Variants in LRP1B observed in about 807,000 individuals in gnomAD.
LRP1B encodes the protein low-density lipoprotein receptor-related protein 1B.
In LRP1B, 217 loss-of-function variants were observed where a neutral mutation model predicts 556.6. The ratio of observed to expected loss-of-function variants is 0.39; its 90% CI spans 0.35 to 0.44. The LOEUF is 0.44. LRP1B is among the 20% of genes least tolerant of loss of function. The pLI is 1.00. For missense variants in LRP1B, 5,053 were observed against 5,620.8 expected (o/e 0.90, Z 3.23); for synonymous variants, 2,047 against 1,865.8 (o/e 1.10, Z -2.50).
intron 7 of LRP1B, among the ~76,000 whole-genome samples, chr2:141,179,492 T>A (rs1237172281): frequency 1.3e-5 from 2 of 152,064 alleles, no homozygotes; most frequent in Non-Finnish European, 2.9e-5. Flanking sequence ...AGTTTTGTTT[T>A]TACCAAAAGG....
chr2:141,119,442 A>G (rs1470572885), intron 7 of LRP1B, among the ~76,000 whole-genome samples: 2 of 151,858 alleles, frequency 1.3e-5, no homozygotes, highest in Admixed American at 6.6e-5. Context: ...GGCAGCAAGC[A>G]TATTTGTCTC....
chr2:141,150,869 T>TGTGTGTGTGTGTGTG (rs1553467366), intron 7 of LRP1B, among the ~76,000 whole-genome samples: 1 of 138,626 alleles, frequency 7.2e-6, no homozygotes, highest in Non-Finnish European at 1.5e-5. Flanking sequence ...TCATGCTGGT[T>TGTGTGTGTGTGTGTG]TGTGTGTGTG....
At chr2:141,331,541 T>TTTATTTCTTTCTTTCTTTCTTTC (rs1553497576) in intron 3 of LRP1B, among the ~76,000 whole-genome samples, 1 of 144,648 alleles carries the variant, frequency 6.9e-6, no homozygotes, top group African/African-American at 2.7e-5. Flanking sequence ...TCTTTCTTTC[T>TTTATTTCTTTCTTTCTTTCTTTC]TTCTTTCTTT....
At chr2:142,109,869 A>G (rs1276766976) in intron 1 of LRP1B, among the ~76,000 whole-genome samples, 1 of 152,192 alleles carries the variant, frequency 6.6e-6, no homozygotes, top group Non-Finnish European at 1.5e-5. Context: ...AAAATAATAC[A>G]TGCATTAAGC....
chr2:140,651,683 G>A (rs1684693753), intron 41 of LRP1B, among the ~76,000 whole-genome samples: 1 of 151,944 alleles, frequency 6.6e-6, no homozygotes, highest in Non-Finnish European at 1.5e-5. Flanking sequence ...CAGATTTTAG[G>A]AGAAAATACC....
At chr2:140,541,249 CCTAAGG>C (rs1438146772) in intron 44 of LRP1B, 151 bp from the exon 45 acceptor site, 1 of 643,688 alleles carries the variant, frequency 1.6e-6, no homozygotes, top group African/African-American at 1.8e-5. Flanking sequence ...TCTAAGCATT[CCTAAGG>C]CTAAGTACAT....
In LRP1B at chr2:141,493,144, A is replaced by T. The variant is rs536965364; in HGVS notation, c.206-12611T>A. Reference sequence around the variant, plus strand: ...GAGAGGAGGAAATGGAAGATTGCAGAGGTTGAATACTTTCTTCAAGGTCAC... The same window carrying T: ...GAGAGGAGGAAATGGAAGATTGCAGTGGTTGAATACTTTCTTCAAGGTCAC... On this transcript the variant is annotated intron_variant, in intron 2 of 90. Coordinates refer to ENST00000389484, the MANE Select transcript of LRP1B (RefSeq NM_018557.3). 2.0e-5 allele frequency among the ~76,000 whole-genome samples: 3 copies of T among 152,140 alleles called. No homozygotes were observed. In the South Asian group the frequency reaches 6.2e-4, roughly 32 times the overall value.
chr2:141,384,667 C>G (rs181246671), intron 3 of LRP1B, among the ~76,000 whole-genome samples: 80 of 152,110 alleles, frequency 5.3e-4, no homozygotes, highest in African/African-American at 1.9e-3. Flanking sequence ...ACAGGTTGCT[C>G]GGGGAAATAA....
intron 41 of LRP1B, among the ~76,000 whole-genome samples, chr2:140,621,948 C>A (rs1305215494): frequency 6.6e-6 from 1 of 152,188 alleles, no homozygotes; most frequent in African/African-American, 2.4e-5. Context: ...TTTTATTCAG[C>A]ACCCGGAAGA....
intron 1 of LRP1B, among the ~76,000 whole-genome samples, chr2:141,824,296 C>G (rs1329421728): frequency 2.0e-5 from 3 of 152,242 alleles, no homozygotes; most frequent in African/African-American, 7.2e-5. Context: ...AGTTAAATGA[C>G]TTTTTCAATG....
At chr2:140,730,913 G>A (rs182468435) in intron 35 of LRP1B, among the ~76,000 whole-genome samples, 54 of 152,100 alleles carry the variant, frequency 3.6e-4, no homozygotes, top group Admixed American at 1.0e-3. Context: ...TGGAAGCGAC[G>A]GACTCAGACC....
chr2:140,327,326 A>G (rs747570413), intron 79 of LRP1B, among the ~76,000 whole-genome samples: 1 of 152,154 alleles, frequency 6.6e-6, no homozygotes, highest in Non-Finnish European at 1.5e-5. Context: ...TTTAGCTCAC[A>G]TGTAATCGAA....
At chr2:142,106,023 C>T (rs1484472466) in intron 1 of LRP1B, among the ~76,000 whole-genome samples, 2 of 152,164 alleles carry the variant, frequency 1.3e-5, no homozygotes, top group African/African-American at 4.8e-5. Flanking sequence ...ATTACTGGTA[C>T]ACATACTCCC....
At chr2:142,047,738 G>T (rs1241605918) in intron 1 of LRP1B, among the ~76,000 whole-genome samples, 1 of 151,674 alleles carries the variant, frequency 6.6e-6, no homozygotes, top group African/African-American at 2.4e-5. Context: ...CTCTAAAAAA[G>T]GCCCTTAAAC....
rs1483373393 is a variant in LRP1B, at chr2:140,875,455, C to T, written c.4170-7192G>A. On this transcript the variant is annotated intron_variant, in intron 25 of 90. Transcript: ENST00000389484. ...TTTGAAAAACAAATTTAATTAGCTT[C>T]CTGCTTTTATTTGGGCTTATTGTTT... Among the ~76,000 whole-genome samples the T allele has an allele frequency of 2.0e-5, 3 of 152,082 alleles. No individual in the cohort carries two copies. In the East Asian group the frequency reaches 5.8e-4, roughly 29 times the overall value.
At chr2:140,459,959 G>T (rs952315120) in intron 60 of LRP1B, among the ~76,000 whole-genome samples, 1 of 152,180 alleles carries the variant, frequency 6.6e-6, no homozygotes, top group Admixed American at 6.5e-5. Flanking sequence ...GGCTTCCCCA[G>T]CCATGTCTCC....
intron 1 of LRP1B, among the ~76,000 whole-genome samples, chr2:141,967,276 T>C (rs1701591517): frequency 6.6e-6 from 1 of 151,880 alleles, no homozygotes; most frequent in African/African-American, 2.4e-5. Context: ...TTAGTTACTA[T>C]TGGTCAACTC....
intron 2 of LRP1B, among the ~76,000 whole-genome samples, chr2:141,673,821 T>A (rs1690770454): frequency 6.6e-6 from 1 of 152,064 alleles, no homozygotes; most frequent in South Asian, 2.1e-4. Context: ...AATTGTCCAC[T>A]GCAATGATTT....
At chr2:140,653,898 G>A (rs77720582) in intron 41 of LRP1B, among the ~76,000 whole-genome samples, 7,733 of 151,440 alleles carry the variant, frequency 0.051, 381 homozygotes, top group African/African-American at 0.12. Flanking sequence ...GGTGGTGGGC[G>A]CCTGTAATCC....
Sources: allele counts gnomAD v4.1 joint callset (sites outside exome capture counted in the v4.1 genomes callset), GRCh38; gene constraint gnomAD v4.1.1; transcripts MANE v1.5; gene names NCBI Gene and HGNC (gene_info 2026-07-23, HGNC 2026-07-21).